NCOA6: variants seen among roughly 807,000 people sequenced by gnomAD.
NCOA6 encodes the protein NRC RAP250.
A neutral mutation model predicts 171.4 loss-of-function variants in NCOA6; 49 were observed. That is an observed-to-expected ratio of 0.29 (90% CI 0.23 to 0.36). The LOEUF (loss-of-function observed/expected upper bound fraction) is 0.36. NCOA6 is among the 10% of genes least tolerant of loss of function. The pLI is 1.00. For missense variants in NCOA6, 2,248 were observed against 2,554.5 expected, an observed-to-expected ratio of 0.88 and a Z score of 2.59; for synonymous variants, 910 against 927.5, an observed-to-expected ratio of 0.98 and a Z score of 0.34.
In NCOA6 at chr20:34,758,433, G is replaced by A. The variant is rs140454848; in HGVS notation, c.644-329C>T. Among the ~76,000 whole-genome samples, 306 of 152,264 alleles carry A rather than the reference G, an allele frequency of 2.0e-3. 1 individual carries two copies. Among genetic ancestry groups the A allele is most frequent in the African/African-American group, 7.0e-3 (289 of 41,556 alleles). ...GGAAACACTGAACCTAACAAACTTA[G>A]ATGCGTTTCTTCACTGTAGGACTTT... is the stretch of plus-strand genomic sequence containing the variant. On this transcript the variant is annotated intron_variant, in intron 6 of 14. Transcript: ENST00000359003.
At chr20:34,814,274 G>A (rs2078761115) in intron 1 of NCOA6, among the ~76,000 whole-genome samples, 1 of 152,046 alleles carries the variant, frequency 6.6e-6, no homozygotes. Flanking sequence ...GGGAGGTGGA[G>A]GTTGCAGTGA....
chr20:34,769,253 C>T (rs905292048), intron 4 of NCOA6, among the ~76,000 whole-genome samples: 1 of 152,110 alleles, frequency 6.6e-6, no homozygotes, highest in African/African-American at 2.4e-5. Context: ...TGCAGTGGCA[C>T]AGTCATATAG....
intron 14 of NCOA6, among the ~76,000 whole-genome samples, chr20:34,718,386 A>T (rs543093611): frequency 6.6e-6 from 1 of 152,062 alleles, no homozygotes; most frequent in African/African-American, 2.4e-5. Context: ...TCTGAAAAAA[A>T]CATCTTTTGA....
chr20:34,763,915 T>C (rs1360437234), intron 5 of NCOA6, among the ~76,000 whole-genome samples: 1 of 152,150 alleles, frequency 6.6e-6, no homozygotes, highest in African/African-American at 2.4e-5. Context: ...ACCCAAGGCT[T>C]TATCTTCTAT....
At chr20:34,766,408 G>A (rs902276578) in intron 5 of NCOA6, among the ~76,000 whole-genome samples, 19 of 152,038 alleles carry the variant, frequency 1.2e-4, no homozygotes, top group Non-Finnish European at 1.5e-5. Flanking sequence ...CTTGAGCCCA[G>A]GAGTTCAACC....
At chr20:34,753,530 G>A (rs1286727659) in intron 8 of NCOA6, among the ~76,000 whole-genome samples, 2 of 151,676 alleles carry the variant, frequency 1.3e-5, no homozygotes, top group Non-Finnish European at 2.9e-5. Flanking sequence ...GCATGGTGGC[G>A]GGCACCTGTA....
In NCOA6 at chr20:34,750,385, C is replaced by T. The variant is rs900943730; in HGVS notation, c.1810G>A (p.Val604Met). Residue 604 changes from valine (V) to methionine (M), a missense_variant, in exon 9 of 15, where the codon GTG (valine) becomes ATG (methionine). Val to Met is a conservative substitution (Grantham distance 21). Transcript: ENST00000359003. ...QQAGTSGVPQ[V>M]NLSNMQGQPQ... ...TGGCCTTGCATGTTGCTGAGGTTCA[C>T]TTGAGGAACCCCAGAAGTACCAGCC... 1 of 1,614,104 alleles carries T rather than the reference C, an allele frequency of 6.2e-7. No homozygotes were observed. Among genetic ancestry groups the T allele is most frequent in the Non-Finnish European group, 8.5e-7 (1 of 1,180,032 alleles).
At chr20:34,824,609 A>G (rs954902701) in intron 1 of NCOA6, among the ~76,000 whole-genome samples, 1 of 152,198 alleles carries the variant, frequency 6.6e-6, no homozygotes, top group African/African-American at 2.4e-5. Flanking sequence ...CTAAGTTGAT[A>G]AAGGTTCTCT....
chr20:34,739,183 G>A (rs182424871), intron 11 of NCOA6, among the ~76,000 whole-genome samples: 6 of 152,294 alleles, frequency 3.9e-5, no homozygotes, highest in Admixed American at 1.3e-4. Context: ...CAAATGGAAT[G>A]TACCAATCAA....
chr20:34,799,511 C>T (rs1168885413), intron 1 of NCOA6, among the ~76,000 whole-genome samples: 1 of 152,042 alleles, frequency 6.6e-6, no homozygotes, highest in Non-Finnish European at 1.5e-5. Context: ...CCAGTTTAAC[C>T]CAAAGAGTAC....
At chr20:34,810,831 AC>A (rs2078633014) in intron 1 of NCOA6, among the ~76,000 whole-genome samples, 1 of 152,146 alleles carries the variant, frequency 6.6e-6, no homozygotes, top group South Asian at 2.1e-4. Context: ...GGTGTGAGCC[AC>A]CGTGCCCGGA....
intron 1 of NCOA6, chr20:34,809,670 G>C (rs1479463811): frequency 7.7e-6 from 3 of 388,186 alleles, no homozygotes; most frequent in East Asian, 7.3e-5. Flanking sequence ...TTTTACTCTA[G>C]AAAGAGTTGT....
chr20:34,779,719 A>T (rs2077458760), intron 3 of NCOA6, among the ~76,000 whole-genome samples: 1 of 152,202 alleles, frequency 6.6e-6, no homozygotes, highest in South Asian at 2.1e-4. Flanking sequence ...TCAAAATGAG[A>T]AATATCTAAG....
chr20:34,754,720 AC>A lies in NCOA6; in HGVS notation c.1675+1del. The A allele has an allele frequency of 1.2e-6, 2 of 1,614,178 alleles. No homozygotes were observed. The highest frequency in any genetic ancestry group is 4.5e-5 in the East Asian group (2 of 44,878). On this transcript the variant is annotated splice_donor_variant, in intron 8 of 14. Transcript: ENST00000359003. LOFTEE classifies it high-confidence loss of function. ...TGGCTAAACAAATCACAGAAAACAA[AC>A]CTGCATGCTGGACATTTTGATTTGC... is the stretch of plus-strand genomic sequence containing the variant.
At chr20:34,769,935 A>G (rs1421094257) in intron 4 of NCOA6, among the ~76,000 whole-genome samples, 1 of 152,208 alleles carries the variant, frequency 6.6e-6, no homozygotes, top group Non-Finnish European at 1.5e-5. Flanking sequence ...GCACTCACCC[A>G]AGTCCTTCTA....
chr20:34,755,956 C>T (rs183293521), intron 7 of NCOA6, among the ~76,000 whole-genome samples: 33 of 152,218 alleles, frequency 2.2e-4, no homozygotes, highest in South Asian at 1.2e-3. Context: ...AGGCTGGTCT[C>T]GAACTCCTGA....
chr20:34,825,337 C>G (rs1221714394), intron 1 of NCOA6, 135 bp downstream of exon 1: 1 of 149,630 alleles, frequency 6.7e-6, no homozygotes, highest in Non-Finnish European at 1.5e-5. Context: ...GCTCTCAGAC[C>G]GTGCCACTCG....
intron 4 of NCOA6, among the ~76,000 whole-genome samples, chr20:34,769,236 G>GC (rs1046805451): frequency 1.3e-5 from 2 of 152,120 alleles, no homozygotes; most frequent in African/African-American, 4.8e-5. Flanking sequence ...TGTCACCCAG[G>GC]CTGCAGTGCA....
At chr20:34,765,122 A>G (rs943671399) in intron 5 of NCOA6, among the ~76,000 whole-genome samples, 1 of 150,388 alleles carries the variant, frequency 6.6e-6, no homozygotes. Context: ...CTGCTTCACA[A>G]GAAAAAAAAA....
Sources: allele counts gnomAD v4.1 joint callset (sites outside exome capture counted in the v4.1 genomes callset), GRCh38; gene constraint gnomAD v4.1.1; transcripts MANE v1.5; gene names NCBI Gene and HGNC (gene_info 2026-07-23, HGNC 2026-07-21).